The following EPHA6 variants were observed in gnomAD, a reference collection of about 807,000 sequenced individuals.
EPHA6 encodes ephrin type-A receptor 6.
Under a neutral mutation model 112.0 loss-of-function variants are expected in EPHA6, and 50 were observed. That is an observed-to-expected ratio of 0.45 (90% CI 0.36 to 0.56). The LOEUF (loss-of-function observed/expected upper bound fraction) is 0.56, where lower values mean the gene tolerates loss of function less well. Ranked by LOEUF, EPHA6 falls within the 20% of genes least tolerant of loss-of-function variation. The probability of loss-of-function intolerance (pLI) is 0.00; values close to 1 mark genes in which losing one functional copy is unlikely to be tolerated. For missense variants in EPHA6, 1,280 were observed against 1,417.4 expected (o/e 0.90, Z 1.56); for synonymous variants, 529 against 490.7 (o/e 1.08, Z -1.03).
intron 5 of EPHA6, among the ~76,000 whole-genome samples, chr3:97,295,456 G>A (rs2080840455): frequency 6.6e-6 from 1 of 151,528 alleles, no homozygotes; most frequent in Non-Finnish European, 1.5e-5. Flanking sequence ...TTTGGTAAAT[G>A]TATCATCCAT....
intron 5 of EPHA6, among the ~76,000 whole-genome samples, chr3:97,310,030 T>A (rs2081483434): frequency 1.3e-5 from 2 of 151,610 alleles, no homozygotes; most frequent in African/African-American, 4.8e-5. Context: ...ATCCTAAAGA[T>A]TCATTAATAA....
At chr3:96,862,161 A>G (rs987131390) in intron 1 of EPHA6, among the ~76,000 whole-genome samples, 3 of 151,952 alleles carry the variant, frequency 2.0e-5, no homozygotes, top group African/African-American at 7.2e-5. Context: ...ATGTTTGTTT[A>G]TATATCTATA....
chr3:97,186,120 C>T (rs140927592), intron 3 of EPHA6, among the ~76,000 whole-genome samples: 13 of 151,746 alleles, frequency 8.6e-5, no homozygotes, highest in Admixed American at 7.2e-4. Flanking sequence ...TTAAATGACG[C>T]GTTACTGGGT....
intron 11 of EPHA6, among the ~76,000 whole-genome samples, chr3:97,570,103 C>A (rs1184172159): frequency 6.6e-6 from 1 of 152,034 alleles, no homozygotes; most frequent in Non-Finnish European, 1.5e-5. Flanking sequence ...TTATACTACC[C>A]AGCTGCCACC....
chr3:96,903,494 T>C (rs1483594080), intron 2 of EPHA6, among the ~76,000 whole-genome samples: 4 of 152,172 alleles, frequency 2.6e-5, no homozygotes, highest in Non-Finnish European at 4.4e-5. Context: ...CAGAAGATTA[T>C]TTGTATTTTT....
chr3:97,295,176 T>G (rs1037904527), intron 5 of EPHA6, among the ~76,000 whole-genome samples: 2 of 152,188 alleles, frequency 1.3e-5, no homozygotes, highest in African/African-American at 4.8e-5. Flanking sequence ...TTCTATGACT[T>G]TGGTCTCCTC....
intron 3 of EPHA6, among the ~76,000 whole-genome samples, chr3:97,028,800 T>A (rs2044726582): frequency 6.6e-6 from 1 of 152,008 alleles, no homozygotes; most frequent in Non-Finnish European, 1.5e-5. Flanking sequence ...ATATTTATAT[T>A]CTTATGGATC....
At chr3:97,203,081 G>C (rs994180126) in intron 3 of EPHA6, among the ~76,000 whole-genome samples, 3 of 152,046 alleles carry the variant, frequency 2.0e-5, no homozygotes, top group Admixed American at 6.6e-5. Context: ...TGAGGAGTTT[G>C]AATTTTATTC....
chr3:97,623,897 G>C (rs1441145438), intron 13 of EPHA6, among the ~76,000 whole-genome samples: 1 of 151,586 alleles, frequency 6.6e-6, no homozygotes, highest in African/African-American at 2.4e-5. Flanking sequence ...ACAATATTTT[G>C]ATTATTGTAG....
intron 3 of EPHA6, among the ~76,000 whole-genome samples, chr3:97,120,850 T>G (rs1255350778): frequency 2.6e-5 from 4 of 151,870 alleles, no homozygotes; most frequent in Non-Finnish European, 5.9e-5. Context: ...ACATAAATAA[T>G]GTTATAGTGT....
chr3:96,923,526 G>A (rs902847124), intron 2 of EPHA6, among the ~76,000 whole-genome samples: 2 of 151,822 alleles, frequency 1.3e-5, no homozygotes, highest in Admixed American at 1.3e-4. Context: ...TGTAGATGCT[G>A]GATGTTAGAC....
At chr3:97,400,627 G>C (rs926020961) in intron 5 of EPHA6, among the ~76,000 whole-genome samples, 4 of 151,376 alleles carry the variant, frequency 2.6e-5, no homozygotes, top group African/African-American at 9.7e-5. Flanking sequence ...TTTTATTATA[G>C]AGATTTTTCA....
At chr3:97,181,567 G>A (rs1309155786) in intron 3 of EPHA6, among the ~76,000 whole-genome samples, 1 of 149,378 alleles carries the variant, frequency 6.7e-6, no homozygotes, top group African/African-American at 2.5e-5. Flanking sequence ...ATATCAAATA[G>A]CAGAAGTGTA....
At chr3:97,663,997 T>G (rs981973726) in intron 14 of EPHA6, among the ~76,000 whole-genome samples, 2 of 152,196 alleles carry the variant, frequency 1.3e-5, no homozygotes, top group Non-Finnish European at 2.9e-5. Flanking sequence ...CCAGCACCTG[T>G]TGTTTCCTGA....
At chr3:97,472,079 T>C (rs974679529) in intron 7 of EPHA6, among the ~76,000 whole-genome samples, 3 of 151,712 alleles carry the variant, frequency 2.0e-5, no homozygotes, top group South Asian at 4.1e-4. Flanking sequence ...ACACTTGTCA[T>C]TGGATATGGG....
At chr3:96,867,705 T>G (rs1304292404) in intron 2 of EPHA6, among the ~76,000 whole-genome samples, 1 of 151,806 alleles carries the variant, frequency 6.6e-6, no homozygotes, top group Non-Finnish European at 1.5e-5. Flanking sequence ...ACATTCTTAG[T>G]TGACATTTTC....
At chr3:97,400,207 A>ATTTCC (rs1401864703) in intron 5 of EPHA6, among the ~76,000 whole-genome samples, 4 of 151,364 alleles carry the variant, frequency 2.6e-5, no homozygotes, top group African/African-American at 9.7e-5. Context: ...CCAAAAACAT[A>ATTTCC]TATTGAGGAA....
At chr3:97,190,097 G>C (rs139060188) in intron 3 of EPHA6, among the ~76,000 whole-genome samples, 1 of 152,022 alleles carries the variant, frequency 6.6e-6, no homozygotes, top group Non-Finnish European at 1.5e-5. Context: ...CAGTAGAAAC[G>C]TCCATGAGAG....
intron 5 of EPHA6, among the ~76,000 whole-genome samples, chr3:97,358,988 C>T (rs977893546): frequency 1.4e-5 from 2 of 147,410 alleles, no homozygotes; most frequent in African/African-American, 2.5e-5. Flanking sequence ...TTTTCTCTTT[C>T]TTTTGAAATT....
Sources: allele counts gnomAD v4.1 joint callset (sites outside exome capture counted in the v4.1 genomes callset), GRCh38; gene constraint gnomAD v4.1.1; transcripts MANE v1.5; gene names NCBI Gene and HGNC (gene_info 2026-07-23, HGNC 2026-07-21).